RANBP17: variants seen among roughly 807,000 people sequenced by gnomAD.
RANBP17 encodes ran-binding protein 17.
In RANBP17, 158 loss-of-function variants were observed where a neutral mutation model predicts 141.2. The observed-to-expected ratio is 1.12, with a 90% CI of 0.98 to 1.28. The LOEUF (loss-of-function observed/expected upper bound fraction) is 1.28, where lower values mean the gene tolerates loss of function less well. Among genes scored for constraint, RANBP17 ranks in the 50% most tolerant of loss-of-function variants. The pLI is 0.00. For synonymous variants in RANBP17, 430 were observed against 450.0 expected, an observed-to-expected ratio of 0.96 and a Z score of 0.56; for missense variants, 1,438 against 1,290.7, an observed-to-expected ratio of 1.11 and a Z score of -1.75.
chr5:170,909,846 T>TC, intron 6 of RANBP17, 81 bp downstream of exon 6: 2 of 790,946 alleles, frequency 2.5e-6, no homozygotes, highest in South Asian at 1.5e-5. Flanking sequence ...AGTTGAATTT[T>TC]CCCCCCAGTT....
intron 4 of RANBP17, among the ~76,000 whole-genome samples, chr5:170,893,413 G>A (rs1769819628): frequency 6.6e-6 from 1 of 152,088 alleles, no homozygotes; most frequent in Admixed American, 6.6e-5. Context: ...GTATGATTCA[G>A]ATATTTGAAG....
intron 15 of RANBP17, 100 bp from the exon 16 acceptor site, chr5:171,171,106 A>G: frequency 3.2e-6 from 2 of 634,048 alleles, no homozygotes; most frequent in South Asian, 4.2e-5. Flanking sequence ...AATATTTGTG[A>G]TTTAGGTCAT....
intron 18 of RANBP17, among the ~76,000 whole-genome samples, chr5:171,187,444 A>T (rs975726957): frequency 9.9e-5 from 14 of 141,416 alleles, no homozygotes; most frequent in African/African-American, 2.4e-4. Context: ...TAATTTGTTT[A>T]AAAAAAAAAA....
intron 14 of RANBP17, among the ~76,000 whole-genome samples, chr5:171,124,524 T>A (rs139737484): frequency 6.6e-6 from 1 of 152,070 alleles, no homozygotes; most frequent in East Asian, 1.9e-4. Flanking sequence ...AACTCAAAGA[T>A]CCCCTAATAT....
rs540457283 is a variant in RANBP17, at chr5:171,012,004, C to G, written c.1710+43627C>G. Among the ~76,000 whole-genome samples, 8 of 150,096 alleles carry G rather than the reference C, an allele frequency of 5.3e-5. No individual in the cohort carries two copies. In the East Asian group the frequency reaches 1.6e-3, roughly 29 times the overall value. ...ATTTGAGCTATTCTGGTTATTGCCT[C>G]AGTAATATATTTGTTTAAACAAATA... On this transcript the variant is annotated intron_variant, in intron 14 of 27. Coordinates refer to ENST00000523189, the MANE Select transcript of RANBP17 (RefSeq NM_022897.5).
rs10076716 is a variant in RANBP17, at chr5:171,241,581, T to G, written c.2637+439T>G. 7.8e-3 allele frequency among the ~76,000 whole-genome samples: 1,181 copies of G among 152,292 alleles called. 14 individuals are homozygous for G. The highest frequency in any genetic ancestry group is 0.023 in the African/African-American group (946 of 41,562). On this transcript the variant is annotated intron_variant, in intron 23 of 27. Transcript: ENST00000523189. ...CTGCATCTCAAGCCAAAGAGAGGAC[T>G]TCCTTGTAGTAGAATGGAATGATCA...
At chr5:170,916,622 T>TA (rs764383812) in intron 9 of RANBP17, 38 bp downstream of exon 9, 10 of 1,364,718 alleles carry the variant, frequency 7.3e-6, no homozygotes, top group South Asian at 3.2e-5. Flanking sequence ...CATATAGAGA[T>TA]ACAGTTTTTC....
intron 24 of RANBP17, among the ~76,000 whole-genome samples, chr5:171,255,677 G>T (rs1466527160): frequency 2.0e-5 from 3 of 152,090 alleles, no homozygotes; most frequent in Admixed American, 6.5e-5. Flanking sequence ...AACATATAGG[G>T]TCAGGGTTGG....
chr5:170,894,984 G>T (rs1222513057), intron 4 of RANBP17, among the ~76,000 whole-genome samples: 1 of 152,156 alleles, frequency 6.6e-6, no homozygotes, highest in Non-Finnish European at 1.5e-5. Flanking sequence ...AATTAGAATT[G>T]AGTTTGTAGG....
intron 24 of RANBP17, among the ~76,000 whole-genome samples, chr5:171,246,296 T>C (rs1053799288): frequency 3.3e-5 from 5 of 152,368 alleles, no homozygotes; most frequent in Non-Finnish European, 5.9e-5. Context: ...CTACAAGTTT[T>C]AGCTGCTTTA....
At chr5:171,203,294 T>C (rs1435889144) in intron 19 of RANBP17, among the ~76,000 whole-genome samples, 5 of 152,212 alleles carry the variant, frequency 3.3e-5, no homozygotes, top group Non-Finnish European at 5.9e-5. Context: ...TCAAATTACT[T>C]AGTAGGCTGG....
At chr5:171,220,275 A>C (rs541911969) in intron 21 of RANBP17, among the ~76,000 whole-genome samples, 39 of 151,558 alleles carry the variant, frequency 2.6e-4, no homozygotes, top group African/African-American at 9.4e-4. Flanking sequence ...TTTGTCTCAG[A>C]GGGGCACCCG....
intron 1 of RANBP17, among the ~76,000 whole-genome samples, chr5:170,873,943 T>C (rs1004928531): frequency 1.3e-5 from 2 of 152,156 alleles, no homozygotes; most frequent in African/African-American, 4.8e-5. Context: ...GTTAGGGTGT[T>C]GATTTGAGAT....
In RANBP17 at chr5:171,221,782, A is replaced by G. The variant is rs1161846540; in HGVS notation, c.2364A>G (p.Val788=). The stretch of plus-strand genomic sequence containing the variant: ...GATCCCAGCGTTTGAATTTTGATGT[A>G]TCATCTCCTAATGGAATTCTTCTCT... ...QNRSQRLNFD[V]SSPNGILLFR... The change falls in exon 22 of 28, where the codon GTA becomes GTG. Residue 788 remains valine, a synonymous_variant. Transcript: ENST00000523189. 2 of 1,610,814 alleles carry G rather than the reference A, an allele frequency of 1.2e-6. No homozygotes were observed. The highest frequency in any genetic ancestry group is 1.7e-6 in the Non-Finnish European group (2 of 1,177,630).
At chr5:171,252,329 A>C in intron 24 of RANBP17, 1 of 1,544,666 alleles carries the variant, frequency 6.5e-7, no homozygotes, top group Non-Finnish European at 8.9e-7. Flanking sequence ...ATGCGGGTTC[A>C]TGAGATTTTT....
At chr5:171,090,264 A>T (rs564238898) in intron 14 of RANBP17, among the ~76,000 whole-genome samples, 184 of 152,276 alleles carry the variant, frequency 1.2e-3, no homozygotes, top group Non-Finnish European at 2.1e-3. Flanking sequence ...CTTGTTGGGA[A>T]CTGGAGCAAA....
chr5:171,188,936 G>T (rs960464807), intron 18 of RANBP17, among the ~76,000 whole-genome samples: 2 of 152,204 alleles, frequency 1.3e-5, no homozygotes, highest in South Asian at 2.1e-4. Flanking sequence ...AAACTATGAG[G>T]TATGAGAAAC....
At chr5:170,896,664 T>C (rs1203024877) in intron 5 of RANBP17, among the ~76,000 whole-genome samples, 1 of 152,116 alleles carries the variant, frequency 6.6e-6, no homozygotes, top group Non-Finnish European at 1.5e-5. Context: ...ACCCCATCTC[T>C]ACTAAAAATA....
intron 14 of RANBP17, among the ~76,000 whole-genome samples, chr5:171,166,671 C>G (rs1277504486): frequency 6.6e-6 from 1 of 152,116 alleles, no homozygotes; most frequent in Admixed American, 6.5e-5. Flanking sequence ...TTACTTCTCA[C>G]TCCCAAATTA....
Sources: allele counts gnomAD v4.1 joint callset (sites outside exome capture counted in the v4.1 genomes callset), GRCh38; gene constraint gnomAD v4.1.1; transcripts MANE v1.5; gene names NCBI Gene and HGNC (gene_info 2026-07-23, HGNC 2026-07-21).